The following EEFSEC variants were observed in gnomAD, a reference collection of about 807,000 sequenced individuals.
EEFSEC encodes the protein eukaryotic elongation factor, selenocysteine-tRNA specific.
A neutral mutation model predicts 42.1 loss-of-function variants in EEFSEC; 43 were observed. That is an observed-to-expected ratio of 1.02 (90% CI 0.80 to 1.32). The LOEUF is 1.32. EEFSEC is among the 40% of genes most tolerant of loss of function. The pLI is 0.00. For missense variants in EEFSEC, 745 were observed against 803.6 expected, an observed-to-expected ratio of 0.93 and a Z score of 0.88; for synonymous variants, 354 against 339.1, an observed-to-expected ratio of 1.04 and a Z score of -0.48.
intron 1 of EEFSEC, among the ~76,000 whole-genome samples, chr3:128,196,816 C>A: frequency 6.6e-6 from 1 of 152,136 alleles, no homozygotes; most frequent in East Asian, 1.9e-4. Context: ...ATGACAGTAC[C>A]TTGGGTTACT....
chr3:128,196,843 C>G (rs894226057), intron 1 of EEFSEC, among the ~76,000 whole-genome samples: 1 of 152,168 alleles, frequency 6.6e-6, no homozygotes, highest in African/African-American at 2.4e-5. Flanking sequence ...CCTCAAAGAG[C>G]CTCGCACAGT....
In EEFSEC at chr3:128,198,146, G is replaced by C. The variant is rs76613801; in HGVS notation, c.316+44323G>C. ...GTGATGTTGTTTCAGGGTAGGCAAG[G>C]GGGGGATGAAAGGGAAGGAGAAGAG... On this transcript the variant is annotated intron_variant, in intron 1 of 6. Transcript: ENST00000254730. Among the ~76,000 whole-genome samples, 854 of 152,254 alleles carry C rather than the reference G, an allele frequency of 5.6e-3. 9 individuals are homozygous for C. Among genetic ancestry groups the C allele is most frequent in the African/African-American group, 0.019 (789 of 41,522 alleles).
At chr3:128,205,958 C>T (rs2065692771) in intron 1 of EEFSEC, among the ~76,000 whole-genome samples, 1 of 152,128 alleles carries the variant, frequency 6.6e-6, no homozygotes, top group African/African-American at 2.4e-5. Flanking sequence ...GTGTAGCAAC[C>T]CATTTGGAAC....
At chr3:128,182,894 G>A (rs1215341000) in intron 1 of EEFSEC, among the ~76,000 whole-genome samples, 2 of 140,804 alleles carry the variant, frequency 1.4e-5, no homozygotes, top group Non-Finnish European at 3.1e-5. Context: ...GGGGGGGTGG[G>A]GTGGTTGGTC....
chr3:128,273,604 C>CT (rs1486611692), intron 4 of EEFSEC, among the ~76,000 whole-genome samples: 30 of 152,368 alleles, frequency 2.0e-4, no homozygotes, highest in Non-Finnish European at 3.8e-4. Context: ...GGATGACTGG[C>CT]TGGAGTCCTG....
chr3:128,231,209 T>C (rs531125834), intron 1 of EEFSEC, among the ~76,000 whole-genome samples: 7 of 152,332 alleles, frequency 4.6e-5, no homozygotes, highest in African/African-American at 1.4e-4. Context: ...CTTGGCACTG[T>C]GGCCAGCCCA....
At chr3:128,186,176 C>T (rs2107797168) in intron 1 of EEFSEC, among the ~76,000 whole-genome samples, 1 of 152,222 alleles carries the variant, frequency 6.6e-6, no homozygotes, top group East Asian at 1.9e-4. Context: ...ATTTGCATTT[C>T]CCTGATGGTG....
At chr3:128,310,659 C>T (rs2066879695) in intron 4 of EEFSEC, among the ~76,000 whole-genome samples, 2 of 152,252 alleles carry the variant, frequency 1.3e-5, no homozygotes, top group Non-Finnish European at 2.9e-5. Flanking sequence ...AAGTGAAAGG[C>T]TTTACAAAAT....
chr3:128,272,275 AC>A (rs1218084278), intron 4 of EEFSEC, among the ~76,000 whole-genome samples: 1 of 151,834 alleles, frequency 6.6e-6, no homozygotes, highest in African/African-American at 2.4e-5. Flanking sequence ...ACAGTGGAAC[AC>A]CCCTCCCCTG....
chr3:128,172,465 G>A (rs1559853585), intron 1 of EEFSEC, among the ~76,000 whole-genome samples: 1 of 152,196 alleles, frequency 6.6e-6, no homozygotes, highest in Non-Finnish European at 1.5e-5. Context: ...TTATTGTTTT[G>A]TTTGTTTATT....
intron 6 of EEFSEC, among the ~76,000 whole-genome samples, chr3:128,364,012 AG>A (rs772424709): frequency 2.0e-4 from 31 of 152,258 alleles, no homozygotes; most frequent in Middle Eastern, 3.4e-3. Context: ...CTTTAAAACA[AG>A]GGGGCCAGGC....
At chr3:128,263,795 A>G (rs757847552) in intron 3 of EEFSEC, among the ~76,000 whole-genome samples, 10 of 152,206 alleles carry the variant, frequency 6.6e-5, no homozygotes, top group South Asian at 2.1e-4. Flanking sequence ...CCCTGACAGC[A>G]TCTCCCGGCA....
chr3:128,215,862 A>G (rs2065805471), intron 1 of EEFSEC, among the ~76,000 whole-genome samples: 1 of 152,130 alleles, frequency 6.6e-6, no homozygotes, highest in Non-Finnish European at 1.5e-5. Flanking sequence ...TCTCACAGAA[A>G]GAGATATTTC....
chr3:128,289,051 T>C (rs1009211637), intron 4 of EEFSEC, among the ~76,000 whole-genome samples: 4 of 152,236 alleles, frequency 2.6e-5, no homozygotes, highest in East Asian at 1.9e-4. Flanking sequence ...GCTACAGGGA[T>C]ATGTACCAGC....
intron 5 of EEFSEC, among the ~76,000 whole-genome samples, chr3:128,347,483 A>G (rs914797923): frequency 3.3e-5 from 5 of 152,248 alleles, no homozygotes; most frequent in Admixed American, 6.5e-5. Flanking sequence ...GTACAGAGAA[A>G]GGGAAAGAAA....
chr3:128,337,700 C>T (rs2067205844), intron 4 of EEFSEC, among the ~76,000 whole-genome samples: 1 of 152,156 alleles, frequency 6.6e-6, no homozygotes, highest in African/African-American at 2.4e-5. Context: ...GCACTGAGGA[C>T]GCAGCATAGG....
intron 6 of EEFSEC, among the ~76,000 whole-genome samples, chr3:128,364,939 TC>T (rs1183571726): frequency 6.6e-6 from 1 of 152,164 alleles, no homozygotes; most frequent in African/African-American, 2.4e-5. Context: ...CCCAGGGAGA[TC>T]GAGCAGAGGG....
intron 6 of EEFSEC, among the ~76,000 whole-genome samples, chr3:128,377,570 C>T (rs546747076): frequency 3.3e-5 from 5 of 152,308 alleles, no homozygotes; most frequent in African/African-American, 7.2e-5. Flanking sequence ...TTCAATGCAG[C>T]GTAACAGTAA....
At chr3:128,306,723 T>C (rs570470826) in intron 4 of EEFSEC, among the ~76,000 whole-genome samples, 31 of 152,372 alleles carry the variant, frequency 2.0e-4, no homozygotes, top group African/African-American at 6.5e-4. Context: ...ACTTTACATA[T>C]ATCTTCTCAT....
Sources: gnomAD v4.1 joint callset for allele counts (sites outside exome capture counted in the v4.1 genomes callset) on GRCh38, gnomAD v4.1.1 for gene constraint, MANE v1.5 for transcripts, NCBI Gene and HGNC (gene_info 2026-07-23, HGNC 2026-07-21) for gene names.